Variants in QTMAN observed in about 807,000 individuals in gnomAD.
QTMAN encodes tRNA-queuosine alpha-mannosyltransferase.
the QTMAN span, among the ~76,000 whole-genome samples, chr2:143,988,823 A>C: frequency 6.6e-6 from 1 of 152,334 alleles, no homozygotes; most frequent in East Asian, 1.9e-4. Context: ...TGAACAACTG[A>C]ATGAGTGAAT....
chr2:144,197,233 G>A, the QTMAN span, among the ~76,000 whole-genome samples: 3 of 151,888 alleles, frequency 2.0e-5, no homozygotes, highest in African/African-American at 7.3e-5. Context: ...AATCTTATGG[G>A]ACCACCATTG....
At chr2:144,306,560 C>A in the QTMAN span, among the ~76,000 whole-genome samples, 1 of 152,040 alleles carries the variant, frequency 6.6e-6, no homozygotes, top group Non-Finnish European at 1.5e-5. Context: ...CTCACCTAAA[C>A]TTAATTACTT....
At chr2:144,174,203 T>C in the QTMAN span, among the ~76,000 whole-genome samples, 2 of 152,166 alleles carry the variant, frequency 1.3e-5, 1 homozygote, top group South Asian at 4.1e-4. Flanking sequence ...TTGGAGCAGC[T>C]TTCTTCATTC....
At chr2:144,095,602 A>G in the QTMAN span, among the ~76,000 whole-genome samples, 1 of 152,198 alleles carries the variant, frequency 6.6e-6, no homozygotes, top group African/African-American at 2.4e-5. Context: ...AAAATTAGGT[A>G]TAATACCCAG....
the QTMAN span, among the ~76,000 whole-genome samples, chr2:143,987,191 T>G: frequency 0.99 from 151,111 of 152,262 alleles, 74,998 homozygotes; most frequent in East Asian, 1. Context: ...TCAAGTAGGG[T>G]CTAGGGATAT....
At chr2:144,064,853 C>T in the QTMAN span, among the ~76,000 whole-genome samples, 13 of 152,182 alleles carry the variant, frequency 8.5e-5, no homozygotes, top group Middle Eastern at 3.4e-3. Flanking sequence ...AATCATTTTC[C>T]TAACAACATA....
the QTMAN span, among the ~76,000 whole-genome samples, chr2:144,082,611 T>C: frequency 6.6e-6 from 1 of 151,992 alleles, no homozygotes; most frequent in Non-Finnish European, 1.5e-5. Context: ...AAAAAAATGA[T>C]GATTATAGGC....
At chr2:144,086,312 T>G in the QTMAN span, among the ~76,000 whole-genome samples, 1 of 152,108 alleles carries the variant, frequency 6.6e-6, no homozygotes, top group African/African-American at 2.4e-5. Flanking sequence ...ACCAATAATT[T>G]TTTAATGTTT....
the QTMAN span, among the ~76,000 whole-genome samples, chr2:143,999,402 G>C: frequency 6.6e-6 from 1 of 151,326 alleles, no homozygotes; most frequent in African/African-American, 2.4e-5. Flanking sequence ...CACATTAAGA[G>C]AAACAGGAGG....
At chr2:144,136,772 G>C in the QTMAN span, among the ~76,000 whole-genome samples, 1 of 152,112 alleles carries the variant, frequency 6.6e-6, no homozygotes, top group South Asian at 2.1e-4. Flanking sequence ...AAAATTGCTT[G>C]ACTTTTCAAT....
the QTMAN span, among the ~76,000 whole-genome samples, chr2:143,979,058 C>T: frequency 6.6e-6 from 1 of 152,042 alleles, no homozygotes; most frequent in African/African-American, 2.4e-5. Context: ...TCCTGCTTTA[C>T]TCTGACAACC....
the QTMAN span, among the ~76,000 whole-genome samples, chr2:144,053,310 C>A: frequency 6.6e-6 from 1 of 152,070 alleles, no homozygotes; most frequent in Non-Finnish European, 1.5e-5. Flanking sequence ...AGTCACTGTG[C>A]CAGATCATCT....
the QTMAN span, among the ~76,000 whole-genome samples, chr2:144,252,022 C>A: frequency 6.6e-6 from 1 of 151,936 alleles, no homozygotes; most frequent in East Asian, 1.9e-4. Context: ...ACAGTGAGAA[C>A]CTGCCTCTAT....
chr2:144,240,782 A>T, the QTMAN span, among the ~76,000 whole-genome samples: 1 of 152,184 alleles, frequency 6.6e-6, no homozygotes, highest in African/African-American at 2.4e-5. Context: ...GGCCAAAGCA[A>T]TTGTTTTAAA....
chr2:144,092,792 T>C, the QTMAN span, among the ~76,000 whole-genome samples: 1 of 152,106 alleles, frequency 6.6e-6, no homozygotes, highest in Non-Finnish European at 1.5e-5. Flanking sequence ...CACAAACATA[T>C]TATATATCAT....
chr2:144,133,184 TATAAATTTA>T, the QTMAN span, among the ~76,000 whole-genome samples: 26 of 50,116 alleles, frequency 5.2e-4, 1 homozygote, highest in Admixed American at 2.5e-3. Flanking sequence ...ATATATATAA[TATAAATTTA>T]TATATATATA....
the QTMAN span, among the ~76,000 whole-genome samples, chr2:144,271,971 C>T: frequency 6.6e-6 from 1 of 152,190 alleles, no homozygotes; most frequent in Non-Finnish European, 1.5e-5. Flanking sequence ...AAGGTAACCA[C>T]TTTGCTGACA....
the QTMAN span, among the ~76,000 whole-genome samples, chr2:144,187,060 T>C: frequency 1.3e-5 from 2 of 152,332 alleles, no homozygotes; most frequent in Admixed American, 6.5e-5. Context: ...AAATATTATA[T>C]AATAGCAGAC....
the QTMAN span, among the ~76,000 whole-genome samples, chr2:144,151,091 A>G: frequency 2.6e-5 from 4 of 152,136 alleles, no homozygotes; most frequent in Non-Finnish European, 5.9e-5. Flanking sequence ...GAACAATAGG[A>G]AGAGCTGGAA....
Sources: gnomAD v4.1 joint callset for allele counts (sites outside exome capture counted in the v4.1 genomes callset) on GRCh38, gnomAD v4.1.1 for gene constraint, MANE v1.5 for transcripts, NCBI Gene and HGNC (gene_info 2026-07-23, HGNC 2026-07-21) for gene names.